The following STAU2 variants were observed in gnomAD, a reference collection of about 807,000 sequenced individuals.
STAU2 encodes double-stranded RNA-binding protein Staufen homolog 2.
In STAU2, 20 loss-of-function variants were observed where a neutral mutation model predicts 65.9. The observed-to-expected ratio is 0.30, with a 90% CI of 0.21 to 0.44. STAU2 has a LOEUF of 0.44. Ranked by LOEUF, STAU2 falls within the 20% of genes least tolerant of loss-of-function variation. STAU2 has a pLI of 1.00. For synonymous variants in STAU2, 232 were observed against 233.9 expected, an observed-to-expected ratio of 0.99 and a Z score of 0.07; for missense variants, 558 against 683.9, an observed-to-expected ratio of 0.82 and a Z score of 2.05.
intron 4 of STAU2, among the ~76,000 whole-genome samples, chr8:73,701,037 A>G (rs1205225400): frequency 6.6e-6 from 1 of 152,152 alleles, no homozygotes; most frequent in Non-Finnish European, 1.5e-5. Flanking sequence ...CAGTCTCTTC[A>G]ATAAATGGTA....
At chr8:73,578,154 A>G (rs1372476577) in intron 12 of STAU2, among the ~76,000 whole-genome samples, 1 of 152,224 alleles carries the variant, frequency 6.6e-6, no homozygotes, top group Non-Finnish European at 1.5e-5. Flanking sequence ...AATGTATCTG[A>G]TATCTTTTTA....
chr8:73,735,405 G>A (rs1039835852), intron 3 of STAU2, among the ~76,000 whole-genome samples: 2 of 152,078 alleles, frequency 1.3e-5, no homozygotes, highest in Non-Finnish European at 2.9e-5. Context: ...TAACAAGAAG[G>A]GGGGGTCTCT....
chr8:73,550,480 T>C, intron 13 of STAU2: 1 of 986,102 alleles, frequency 1.0e-6, no homozygotes. Context: ...TTGTGCTTTG[T>C]TTCTATAAGA....
intron 13 of STAU2, among the ~76,000 whole-genome samples, chr8:73,529,206 T>A (rs1398531672): frequency 6.6e-6 from 1 of 152,184 alleles, no homozygotes; most frequent in Non-Finnish European, 1.5e-5. Context: ...AGTCAATGTA[T>A]ACGAGTTCAA....
chr8:73,708,769 T>C (rs1176022951), intron 4 of STAU2, among the ~76,000 whole-genome samples: 1 of 152,146 alleles, frequency 6.6e-6, no homozygotes, highest in Non-Finnish European at 1.5e-5. Flanking sequence ...TGAGTTTAAA[T>C]TACAAAATGG....
chr8:73,693,472 C>T (rs1413475596), intron 4 of STAU2, among the ~76,000 whole-genome samples: 1 of 118,864 alleles, frequency 8.4e-6, no homozygotes, highest in African/African-American at 3.2e-5. Flanking sequence ...GAGACTCCGT[C>T]TCAAAAAAAA....
intron 9 of STAU2, among the ~76,000 whole-genome samples, chr8:73,608,133 GA>G (rs1275607336): frequency 6.6e-6 from 1 of 152,274 alleles, no homozygotes; most frequent in African/African-American, 2.4e-5. Context: ...GTTTTAAGCA[GA>G]GGCATGATAT....
intron 12 of STAU2, among the ~76,000 whole-genome samples, chr8:73,563,051 C>G (rs1267473065): frequency 2.6e-5 from 4 of 152,004 alleles, no homozygotes; most frequent in African/African-American, 9.7e-5. Flanking sequence ...AAAGAAGCAG[C>G]CTAGCAAGAA....
At chr8:73,624,442 C>G (rs1416426999) in intron 6 of STAU2, among the ~76,000 whole-genome samples, 1 of 152,136 alleles carries the variant, frequency 6.6e-6, no homozygotes, top group African/African-American at 2.4e-5. Context: ...ATAGATAAAT[C>G]ATTATCACAT....
chr8:73,466,212 T>C (rs75158524), intron 13 of STAU2, among the ~76,000 whole-genome samples: 3,914 of 152,328 alleles, frequency 0.026, 165 homozygotes, highest in African/African-American at 0.087. Context: ...ATACCATGGT[T>C]CAATCTTAGA....
chr8:73,711,131 CAAAAAAAA>C lies in STAU2; in HGVS notation c.-17-1977_-17-1970del, dbSNP rs751087630. On this transcript the variant is annotated intron_variant, in intron 3 of 14. Transcript: ENST00000524300. ...CAATTAAGCCATTGTAAGTGGCTTGCAAAAAAAAAAAAAAAAAAAAAAAAAACTAGTAA... is the reference window on the plus strand; with the variant it reads ...CAATTAAGCCATTGTAAGTGGCTTGCAAAAAAAAAAAAAAAAAACTAGTAA... 2.9e-3 allele frequency among the ~76,000 whole-genome samples: 90 copies of C among 31,100 alleles called. 1 individual carries two copies. Among genetic ancestry groups the C allele is most frequent in the African/African-American group, 7.1e-3 (77 of 10,770 alleles). 20.4% of individuals were successfully genotyped at this position (31,100 alleles called of 152,430 possible). A position where few individuals can be genotyped will look rare whatever the true frequency, so the allele number is the denominator to read the frequency against.
intron 12 of STAU2, among the ~76,000 whole-genome samples, chr8:73,555,118 G>C (rs1019604085): frequency 1.3e-5 from 2 of 152,206 alleles, no homozygotes; most frequent in African/African-American, 2.4e-5. Flanking sequence ...GGTCTCACTA[G>C]AGACAGGTGT....
chr8:73,694,296 A>G (rs183420619), intron 4 of STAU2, among the ~76,000 whole-genome samples: 1 of 152,362 alleles, frequency 6.6e-6, no homozygotes, highest in African/African-American at 2.4e-5. Flanking sequence ...AATCACCAAG[A>G]ATATAGTACA....
chr8:73,557,568 T>C (rs143731223), intron 12 of STAU2, among the ~76,000 whole-genome samples: 4,969 of 152,322 alleles, frequency 0.033, 260 homozygotes, highest in Admixed American at 0.13. Context: ...AGGATGTGAC[T>C]GTTTTCCCAC....
intron 6 of STAU2, chr8:73,651,621 G>T (rs529412773): frequency 4.9e-6 from 3 of 617,906 alleles, no homozygotes; most frequent in Admixed American, 2.3e-5. Flanking sequence ...TCCTTCTGGG[G>T]TCTCTGCAAG....
intron 13 of STAU2, among the ~76,000 whole-genome samples, chr8:73,546,148 G>GTTTTTTT (rs1563412799): frequency 3.4e-5 from 4 of 116,462 alleles, no homozygotes; most frequent in Non-Finnish European, 4.8e-5. Context: ...TTTTTTTTTG[G>GTTTTTTT]TAGAGACAGA....
intron 13 of STAU2, among the ~76,000 whole-genome samples, chr8:73,525,763 G>A (rs530337843): frequency 1.3e-5 from 2 of 152,212 alleles, no homozygotes; most frequent in South Asian, 2.1e-4. Context: ...GGTATCCCAC[G>A]CTGCTTTTGA....
intron 12 of STAU2, among the ~76,000 whole-genome samples, chr8:73,571,510 C>T (rs1237836960): frequency 1.3e-5 from 2 of 152,178 alleles, no homozygotes; most frequent in African/African-American, 4.8e-5. Flanking sequence ...AAGCACTCCT[C>T]AGCAAATGTA....
chr8:73,682,850 A>C (rs1818529235), intron 5 of STAU2, among the ~76,000 whole-genome samples: 1 of 152,118 alleles, frequency 6.6e-6, no homozygotes, highest in Non-Finnish European at 1.5e-5. Flanking sequence ...TACACACACA[A>C]ACTAGAAAAC....
Sources: allele counts gnomAD v4.1 joint callset (sites outside exome capture counted in the v4.1 genomes callset), GRCh38; gene constraint gnomAD v4.1.1; transcripts MANE v1.5; gene names NCBI Gene and HGNC (gene_info 2026-07-23, HGNC 2026-07-21).